EYS: variants seen among roughly 807,000 people sequenced by gnomAD.
EYS encodes the protein EGF-like photoreceptor maintenance factor.
A neutral mutation model predicts 282.1 loss-of-function variants in EYS; 250 were observed. The ratio of observed to expected loss-of-function variants is 0.89; its 90% CI spans 0.80 to 0.98. The LOEUF (loss-of-function observed/expected upper bound fraction) is 0.98, where lower values mean the gene tolerates loss of function less well. Among genes scored for constraint, EYS ranks in the 50% least tolerant of loss-of-function variants. EYS has a pLI of 0.00. For missense variants in EYS, 4,016 were observed against 3,709.0 expected, an observed-to-expected ratio of 1.08 and a Z score of -2.15; for synonymous variants, 1,355 against 1,282.9, an observed-to-expected ratio of 1.06 and a Z score of -1.20.
chr6:65,325,999 C>G (rs1469644058), intron 11 of EYS, among the ~76,000 whole-genome samples: 3 of 152,164 alleles, frequency 2.0e-5, no homozygotes, highest in African/African-American at 4.8e-5. Flanking sequence ...CTCCCATGCT[C>G]TTTGTTCCCT....
chr6:64,489,915 T>C (rs1776686167), intron 26 of EYS, among the ~76,000 whole-genome samples: 1 of 150,792 alleles, frequency 6.6e-6, no homozygotes, highest in African/African-American at 2.4e-5. Flanking sequence ...ACATGCTTCA[T>C]GAAGAGGCCT....
chr6:64,482,531 G>A (rs1328919126), intron 26 of EYS, among the ~76,000 whole-genome samples: 1 of 151,508 alleles, frequency 6.6e-6, no homozygotes, highest in African/African-American at 2.4e-5. Context: ...TCAGTTTAAT[G>A]GACATAGTAG....
chr6:64,587,543 T>C (rs1057292575), intron 26 of EYS, among the ~76,000 whole-genome samples: 7 of 152,080 alleles, frequency 4.6e-5, no homozygotes, highest in African/African-American at 1.7e-4. Flanking sequence ...AGTAATATGT[T>C]TTAGTGACTT....
At chr6:65,430,084 C>T (rs1767824131) in intron 5 of EYS, among the ~76,000 whole-genome samples, 1 of 152,052 alleles carries the variant, frequency 6.6e-6, no homozygotes, top group Admixed American at 6.5e-5. Flanking sequence ...TGTGTCTGAA[C>T]CAGGGGTTGA....
chr6:64,198,497 C>T (rs1765366740), intron 31 of EYS, among the ~76,000 whole-genome samples: 1 of 151,866 alleles, frequency 6.6e-6, no homozygotes, highest in Admixed American at 6.6e-5. Flanking sequence ...CCCCAACAGG[C>T]CCCTGGGTTT....
intron 31 of EYS, among the ~76,000 whole-genome samples, chr6:64,109,504 T>C (rs1258050826): frequency 6.6e-6 from 1 of 152,126 alleles, no homozygotes. Flanking sequence ...GCCACTGATA[T>C]AATTATCAAG....
At chr6:64,026,354 T>C (rs1769511267) in intron 33 of EYS, among the ~76,000 whole-genome samples, 2 of 152,108 alleles carry the variant, frequency 1.3e-5, no homozygotes. Context: ...GTTTTGTCTT[T>C]CAGATGGGAA....
chr6:64,309,816 T>A (rs1769605722), intron 29 of EYS, among the ~76,000 whole-genome samples: 1 of 151,810 alleles, frequency 6.6e-6, no homozygotes, highest in Admixed American at 6.6e-5. Context: ...AATACAAAAC[T>A]TAGCTGGGCA....
At chr6:64,623,346 T>C (rs961294897) in intron 23 of EYS, among the ~76,000 whole-genome samples, 4 of 152,168 alleles carry the variant, frequency 2.6e-5, no homozygotes, top group Non-Finnish European at 5.9e-5. Context: ...CAAGTGTCAG[T>C]GCAGACTTCT....
intron 12 of EYS, among the ~76,000 whole-genome samples, chr6:65,227,440 T>A (rs929369988): frequency 1.3e-5 from 2 of 152,134 alleles, no homozygotes; most frequent in Admixed American, 6.6e-5. Flanking sequence ...ATAATTAGAA[T>A]TATCTGCACT....
chr6:63,864,200 G>A lies in EYS; in HGVS notation c.7214C>T (p.Pro2405Leu). ...AATGCTCTTACCATCAGTGCAGAGG[G>A]GTCCAGACCTCCCATATGGGCAGAG... is the stretch of plus-strand genomic sequence containing the variant. ...VCLCPYGRSG[P>L]LCTDAINITQ... Residue 2405 changes from proline (P) to leucine (L), a missense_variant, in exon 36 of 43, where the codon CCC becomes CTC. Transcript: ENST00000503581. 1.3e-6 allele frequency: 2 copies of A among 1,537,788 alleles called. No homozygotes were observed. The highest frequency in any genetic ancestry group is 1.8e-6 in the Non-Finnish European group (2 of 1,138,552).
chr6:64,551,864 A>T (rs1765093922), intron 26 of EYS, among the ~76,000 whole-genome samples: 1 of 152,076 alleles, frequency 6.6e-6, no homozygotes, highest in African/African-American at 2.4e-5. Flanking sequence ...CCTCTCCAGC[A>T]CCTGTTGTTT....
chr6:64,030,566 C>T (rs116576848), intron 33 of EYS, among the ~76,000 whole-genome samples: 1,571 of 151,750 alleles, frequency 0.01, 18 homozygotes, highest in East Asian at 0.036. Flanking sequence ...GGGGATAGTA[C>T]GAGATGCCGC....
chr6:64,691,920 T>A (rs533874205), intron 22 of EYS, among the ~76,000 whole-genome samples: 4 of 152,294 alleles, frequency 2.6e-5, no homozygotes, highest in African/African-American at 9.6e-5. Context: ...CCTGGATTGG[T>A]TTCACGTTTT....
intron 5 of EYS, among the ~76,000 whole-genome samples, chr6:65,431,790 T>C (rs1454933565): frequency 1.3e-5 from 2 of 152,170 alleles, no homozygotes; most frequent in Admixed American, 6.5e-5. Context: ...TGTGAGCTAG[T>C]AATTTTAGTT....
At chr6:65,537,158 G>A (rs9294641) in intron 2 of EYS, among the ~76,000 whole-genome samples, 59,064 of 151,736 alleles carry the variant, frequency 0.39, 12,321 homozygotes, top group African/African-American at 0.55. Flanking sequence ...GAGAACACAC[G>A]GATACAGGGA....
intron 11 of EYS, among the ~76,000 whole-genome samples, chr6:65,327,433 G>A (rs908649895): frequency 6.6e-5 from 10 of 151,020 alleles, no homozygotes; most frequent in Non-Finnish European, 1.3e-4. Flanking sequence ...TTTGTGGTTT[G>A]TGATGTTATT....
At chr6:64,906,589 C>G (rs902213951) in intron 16 of EYS, among the ~76,000 whole-genome samples, 1 of 152,130 alleles carries the variant, frequency 6.6e-6, no homozygotes, top group Non-Finnish European at 1.5e-5. Flanking sequence ...AACTACTTGT[C>G]TCCCATGATA....
At chr6:65,160,824 G>A (rs1367626648) in intron 12 of EYS, among the ~76,000 whole-genome samples, 2 of 150,700 alleles carry the variant, frequency 1.3e-5, no homozygotes, top group Admixed American at 6.7e-5. Context: ...CAAACCAAAT[G>A]TCTCTATAAT....
Sources: gnomAD v4.1 joint callset for allele counts (sites outside exome capture counted in the v4.1 genomes callset) on GRCh38, gnomAD v4.1.1 for gene constraint, MANE v1.5 for transcripts, NCBI Gene and HGNC (gene_info 2026-07-23, HGNC 2026-07-21) for gene names.